FUNDC1: variants seen among roughly 807,000 people sequenced by gnomAD.
FUNDC1 encodes the protein FUN14 domain containing 1.
FUNDC1 carries 10 observed loss-of-function variants against 14.5 expected under a neutral mutation model. The ratio of observed to expected loss-of-function variants is 0.69; its 90% CI spans 0.43 to 1.17. The LOEUF is 1.17. Ranked by LOEUF, FUNDC1 falls within the 50% of genes most tolerant of loss-of-function variation. FUNDC1 has a pLI of 0.00. For synonymous variants in FUNDC1, 33 were observed against 39.7 expected (o/e 0.83, Z 0.64); for missense variants, 115 against 113.8 (o/e 1.01, Z -0.05).
Position 44,542,788 on chromosome X carries a change from G to A in FUNDC1, c.28+17C>T. On this transcript the variant is annotated intron_variant, in intron 1 of 4. Transcript: ENST00000378045. ...TGAGCCGCGTCCCAGATACCACTTC[G>A]GGCCCTGGCCGCTCACCTTGGGGAG... 1 of 1,165,742 alleles carries A rather than the reference G, an allele frequency of 8.6e-7. No individual in the cohort carries two copies. Among genetic ancestry groups the A allele is most frequent in the Non-Finnish European group, 1.1e-6 (1 of 871,322 alleles).
At chrX:44,532,501 T>C (rs2147473659) in intron 3 of FUNDC1, among the ~76,000 whole-genome samples, 1 of 108,201 alleles carries the variant, frequency 9.2e-6, no homozygotes, top group East Asian at 2.9e-4. Context: ...GGAAGGCTAC[T>C]TGACAATCAA....
chrX:44,524,979 G>GA (rs1406210579), intron 4 of FUNDC1, among the ~76,000 whole-genome samples: 6 of 109,131 alleles, frequency 5.5e-5, no homozygotes, highest in African/African-American at 1.7e-4. Context: ...TTAGCCAACA[G>GA]AAAAAAAAAT....
At chrX:44,531,246 A>AC (rs1312174359) in intron 3 of FUNDC1, among the ~76,000 whole-genome samples, 2 of 69,278 alleles carry the variant, frequency 2.9e-5, no homozygotes, top group African/African-American at 2.0e-4. Flanking sequence ...GTTTCCAGAA[A>AC]AACACACACA....
chrX:44,526,992 C>A lies in FUNDC1; in HGVS notation c.390+245G>T, dbSNP rs5953431. ...TTGAAAAGAATGTTCTTAGTTTTTA[C>A]AACAAGATCAAAGTGAGCTAGAGAT... On this transcript the variant is annotated intron_variant, in intron 4 of 4. Transcript: ENST00000378045. Among the ~76,000 whole-genome samples the A allele has an allele frequency of 4.1e-3, 440 of 106,774 alleles. 4 individuals carry two copies. The highest frequency in any genetic ancestry group is 0.014 in the African/African-American group (401 of 29,356). 92.7% of individuals were successfully genotyped at this position (106,774 alleles called of 115,157 possible). A position where few individuals can be genotyped will look rare whatever the true frequency, so the allele number is the denominator to read the frequency against.
intron 4 of FUNDC1, among the ~76,000 whole-genome samples, chrX:44,526,770 A>G (rs1442256155): frequency 1.8e-5 from 2 of 111,189 alleles, no homozygotes; most frequent in Non-Finnish European, 3.8e-5. Context: ...GATAAAACAA[A>G]AACAAAGGCA....
intron 4 of FUNDC1, among the ~76,000 whole-genome samples, chrX:44,525,916 GC>G (rs369726380): frequency 5.8e-4 from 63 of 108,620 alleles, no homozygotes; most frequent in African/African-American, 1.9e-3. Flanking sequence ...ATGGCATTTG[GC>G]CAGGCATGGG....
intron 3 of FUNDC1, among the ~76,000 whole-genome samples, chrX:44,536,085 G>C (rs1382227407): frequency 9.1e-6 from 1 of 109,295 alleles, no homozygotes; most frequent in Non-Finnish European, 1.9e-5. Flanking sequence ...AGGCCGAGGC[G>C]GGTGGATCAA....
Position 44,531,312 on chromosome X carries a change from C to CACACACACACACA in FUNDC1, c.262-3948_262-3947insTGTGTGTGTGTGT, listed in dbSNP as rs1477318576. Among the ~76,000 whole-genome samples the CACACACACACACA allele has an allele frequency of 6.6e-4, 15 of 22,798 alleles. 2 individuals are homozygous for CACACACACACACA. Among genetic ancestry groups the CACACACACACACA allele is most frequent in the East Asian group, 1.2e-3 (1 of 841 alleles). 19.8% of individuals were successfully genotyped at this position (22,798 alleles called of 115,157 possible). A position where few individuals can be genotyped will look rare whatever the true frequency, so the allele number is the denominator to read the frequency against. On this transcript the variant is annotated intron_variant, in intron 3 of 4. Coordinates refer to ENST00000378045, the MANE Select transcript of FUNDC1 (RefSeq NM_173794.4). ...GCTTTCAGATGAAGATTCATGTTGG[C>CACACACACACACA]CAGACACACACACACACACACACAC...
intron 2 of FUNDC1, 128 bp downstream of exon 2, chrX:44,541,817 G>C: frequency 1.7e-6 from 1 of 574,617 alleles, no homozygotes; most frequent in Non-Finnish European, 2.6e-6. Flanking sequence ...TTTTAACTCA[G>C]AGAAAAGCCT....
chrX:44,535,585 G>A (rs925110378), intron 3 of FUNDC1, among the ~76,000 whole-genome samples: 10 of 104,678 alleles, frequency 9.6e-5, no homozygotes, highest in African/African-American at 3.2e-4. Context: ...CAGGAGAGTG[G>A]CGTGACCCTG....
intron 2 of FUNDC1, among the ~76,000 whole-genome samples, chrX:44,541,386 C>T (rs1214974561): frequency 9.0e-6 from 1 of 111,677 alleles, no homozygotes; most frequent in Non-Finnish European, 1.9e-5. Context: ...ATCAAGTAAG[C>T]AATCAGACCT....
chrX:44,535,999 AAAG>A (rs1223029123), intron 3 of FUNDC1, among the ~76,000 whole-genome samples: 3 of 106,711 alleles, frequency 2.8e-5, no homozygotes, highest in Non-Finnish European at 5.8e-5. Flanking sequence ...AAAAAAAAAA[AAAG>A]AAGAAGAAAA....
intron 2 of FUNDC1, among the ~76,000 whole-genome samples, chrX:44,539,959 A>G (rs57415733): frequency 0.14 from 15,716 of 110,342 alleles, 1,812 homozygotes; most frequent in African/African-American, 0.38. Flanking sequence ...AAGCCACCGC[A>G]CCTGGCCTCC....
intron 3 of FUNDC1, among the ~76,000 whole-genome samples, chrX:44,531,300 G>C (rs1454321661): frequency 8.3e-5 from 3 of 35,955 alleles, no homozygotes; most frequent in East Asian, 7.9e-4. Flanking sequence ...TTCAGATGAA[G>C]ATTCATGTTG....
chrX:44,533,425 C>T (rs949768706), intron 3 of FUNDC1, among the ~76,000 whole-genome samples: 4 of 108,402 alleles, frequency 3.7e-5, no homozygotes, highest in African/African-American at 6.7e-5. Context: ...GTCAGGAGAT[C>T]GAGACCATCC....
In FUNDC1 at chrX:44,542,281, G is replaced by A. The variant is rs897614805; in HGVS notation, c.29-180C>T. On this transcript the variant is annotated intron_variant, in intron 1 of 4. Coordinates refer to ENST00000378045, the MANE Select transcript of FUNDC1 (RefSeq NM_173794.4). ...TTGAGACCAGGGCCTCAAGAGTAAA[G>A]GACCCTGCAACAATGACCCCCATCT... is the stretch of plus-strand genomic sequence containing the variant. 10 of 426,379 alleles carry A rather than the reference G, an allele frequency of 2.3e-5. No homozygotes were observed. In the African/African-American group the frequency reaches 2.5e-4, roughly 11 times the overall value. The allele number at this position is 426,379 out of a possible 1,213,427, so 35.1% of individuals were successfully genotyped here. A position where few individuals can be genotyped will look rare whatever the true frequency, so the allele number is the denominator to read the frequency against.
chrX:44,537,945 T>A (rs2038954998), intron 3 of FUNDC1, among the ~76,000 whole-genome samples: 1 of 112,747 alleles, frequency 8.9e-6, no homozygotes, highest in Admixed American at 9.4e-5. Context: ...AAACTTCAAA[T>A]CTATCTGCCT....
chrX:44,529,867 T>TG (rs1254132855), intron 3 of FUNDC1, among the ~76,000 whole-genome samples: 1 of 112,075 alleles, frequency 8.9e-6, no homozygotes, highest in Non-Finnish European at 1.9e-5. Context: ...GAGAGAGAGA[T>TG]GAAGTCTCAC....
chrX:44,540,539 G>A (rs2038967664), intron 2 of FUNDC1, among the ~76,000 whole-genome samples: 1 of 110,870 alleles, frequency 9.0e-6, no homozygotes, highest in Non-Finnish European at 1.9e-5. Context: ...TGTTCCACAA[G>A]CATGTGTATC....
Sources: allele counts gnomAD v4.1 joint callset (sites outside exome capture counted in the v4.1 genomes callset), GRCh38; gene constraint gnomAD v4.1.1; transcripts MANE v1.5; gene names NCBI Gene and HGNC (gene_info 2026-07-23, HGNC 2026-07-21).